CLNK: variants seen among roughly 807,000 people sequenced by gnomAD.
The protein encoded by CLNK is cytokine-dependent hematopoietic cell linker.
A neutral mutation model predicts 68.6 loss-of-function variants in CLNK; 74 were observed. The observed-to-expected ratio is 1.08, with a 90% CI of 0.89 to 1.31. The LOEUF (loss-of-function observed/expected upper bound fraction) is 1.31. Among genes scored for constraint, CLNK ranks in the 50% most tolerant of loss-of-function variants. The pLI, the probability that CLNK is intolerant of heterozygous loss-of-function variation, is 0.00. For missense variants in CLNK, 553 were observed against 515.3 expected, an observed-to-expected ratio of 1.07 and a Z score of -0.71; for synonymous variants, 198 against 172.2, an observed-to-expected ratio of 1.15 and a Z score of -1.17.
chr4:10,623,409 A>G (rs558970960), intron 2 of CLNK, among the ~76,000 whole-genome samples: 5 of 152,324 alleles, frequency 3.3e-5, no homozygotes, highest in South Asian at 4.1e-4. Flanking sequence ...TCTGGGTAAT[A>G]CAATACGGTG....
In CLNK at chr4:10,551,058, G is replaced by A. The variant is rs576164282; in HGVS notation, c.445+7349C>T. 2.6e-5 allele frequency among the ~76,000 whole-genome samples: 4 copies of A among 152,300 alleles called. No homozygotes were observed. The South Asian group carries it at 8.3e-4, about 32-fold the overall frequency. ...AGACTGCTCAGGATTTCATCGTGCCGCTCAGAAACAGCATGCGAGTTAACA... is the reference window on the plus strand; with the variant it reads ...AGACTGCTCAGGATTTCATCGTGCCACTCAGAAACAGCATGCGAGTTAACA... On this transcript the variant is annotated intron_variant, in intron 8 of 18. Coordinates refer to ENST00000226951, the MANE Select transcript of CLNK (RefSeq NM_052964.4).
At chr4:10,731,697 G>A in the CLNK span, among the ~76,000 whole-genome samples, 7 of 152,080 alleles carry the variant, frequency 4.6e-5, no homozygotes, top group African/African-American at 1.2e-4. Flanking sequence ...TTGTTGCTGC[G>A]ATATCATCAT....
intron 11 of CLNK, among the ~76,000 whole-genome samples, chr4:10,534,735 A>AT (rs1405096183): frequency 2.6e-5 from 4 of 152,246 alleles, no homozygotes; most frequent in South Asian, 2.1e-4. Flanking sequence ...AAAATTATGG[A>AT]TTTTTTATCC....
intron 2 of CLNK, among the ~76,000 whole-genome samples, chr4:10,603,679 C>T (rs979968703): frequency 5.9e-5 from 9 of 152,190 alleles, no homozygotes; most frequent in Non-Finnish European, 1.0e-4. Context: ...GCGGCCCCCA[C>T]GGGGAATGAG....
intron 2 of CLNK, among the ~76,000 whole-genome samples, chr4:10,663,280 G>A (rs10938920): frequency 0.22 from 33,974 of 152,164 alleles, 4,733 homozygotes; most frequent in Non-Finnish European, 0.31. Flanking sequence ...TGCAAGTTTT[G>A]TTGCAGGGAA....
At chr4:10,546,716 A>G (rs1241198448) in intron 8 of CLNK, among the ~76,000 whole-genome samples, 1 of 150,996 alleles carries the variant, frequency 6.6e-6, no homozygotes, top group Non-Finnish European at 1.5e-5. Flanking sequence ...TATCAGCAAC[A>G]CTCCACTTCT....
At chr4:10,620,390 C>T (rs1237716724) in intron 2 of CLNK, among the ~76,000 whole-genome samples, 1 of 152,182 alleles carries the variant, frequency 6.6e-6, no homozygotes, top group Non-Finnish European at 1.5e-5. Context: ...ACCCACCTAT[C>T]CTAAAGTCAC....
At chr4:10,719,358 A>G in the CLNK span, among the ~76,000 whole-genome samples, 1 of 152,138 alleles carries the variant, frequency 6.6e-6, no homozygotes. Flanking sequence ...TGGAAAATGT[A>G]TAAATCTTTT....
the CLNK span, among the ~76,000 whole-genome samples, chr4:10,731,546 T>C: frequency 2.6e-5 from 4 of 152,228 alleles, no homozygotes; most frequent in Non-Finnish European, 5.9e-5. Flanking sequence ...AGGAACTCTC[T>C]TTCATCTGTT....
chr4:10,665,081 G>C (rs1724337541), intron 2 of CLNK, among the ~76,000 whole-genome samples: 1 of 152,176 alleles, frequency 6.6e-6, no homozygotes, highest in African/African-American at 2.4e-5. Flanking sequence ...CTAATGTTGA[G>C]GTGTCAGATA....
rs377534414 is a variant in CLNK at position 10,509,420 on chromosome 4, G to C, written c.907-1384C>G. Among the ~76,000 whole-genome samples, 9 of 152,198 alleles carry C rather than the reference G, an allele frequency of 5.9e-5. No homozygotes were observed. The East Asian group carries it at 1.4e-3, about 23-fold the overall frequency. ...GTACTCTGGACACACACAGCTTTAG[G>C]GATAGACCAGAACTGGCCCTACTGC... On this transcript the variant is annotated intron_variant, in intron 16 of 18. Coordinates refer to ENST00000226951, the MANE Select transcript of CLNK (RefSeq NM_052964.4).
At chr4:10,549,694 G>A (rs981182399) in intron 8 of CLNK, among the ~76,000 whole-genome samples, 1 of 152,158 alleles carries the variant, frequency 6.6e-6, no homozygotes, top group Non-Finnish European at 1.5e-5. Context: ...AAAAATTAGA[G>A]GGAAAACGGG....
chr4:10,718,169 A>C, the CLNK span, among the ~76,000 whole-genome samples: 1 of 152,232 alleles, frequency 6.6e-6, no homozygotes, highest in African/African-American at 2.4e-5. Flanking sequence ...GAAGTAGAAC[A>C]ATTAAAACGT....
intron 4 of CLNK, among the ~76,000 whole-genome samples, chr4:10,580,651 T>G (rs1486815395): frequency 6.6e-6 from 1 of 151,556 alleles, no homozygotes; most frequent in African/African-American, 2.4e-5. Flanking sequence ...AAAAATAAAA[T>G]AAAAATTAAA....
chr4:10,731,746 G>A, the CLNK span, among the ~76,000 whole-genome samples: 1 of 152,078 alleles, frequency 6.6e-6, no homozygotes. Flanking sequence ...TCTCATGGAG[G>A]GCAGAATCCA....
intron 4 of CLNK, among the ~76,000 whole-genome samples, chr4:10,575,166 C>G (rs550781533): frequency 1.3e-5 from 2 of 152,294 alleles, no homozygotes; most frequent in South Asian, 4.1e-4. Flanking sequence ...GTGGTAATCC[C>G]GTACCTATCT....
chr4:10,731,985 A>G, the CLNK span, among the ~76,000 whole-genome samples: 1 of 152,198 alleles, frequency 6.6e-6, no homozygotes. Context: ...CATGTTGTAA[A>G]TGTCCTCATT....
intron 15 of CLNK, 145 bp from the exon 16 acceptor site, chr4:10,513,742 C>A (rs926313795): frequency 2.3e-5 from 15 of 652,890 alleles, no homozygotes; most frequent in Middle Eastern, 4.5e-4. Context: ...CACTCAGTGA[C>A]CTTAATTCTC....
At chr4:10,564,038 C>A (rs970531232) in intron 7 of CLNK, among the ~76,000 whole-genome samples, 1 of 151,712 alleles carries the variant, frequency 6.6e-6, no homozygotes, top group South Asian at 2.1e-4. Flanking sequence ...TAAGTGTTAG[C>A]AAATGTTTTA....
Sources: gnomAD v4.1 joint callset for allele counts (sites outside exome capture counted in the v4.1 genomes callset) on GRCh38, gnomAD v4.1.1 for gene constraint, MANE v1.5 for transcripts, NCBI Gene and HGNC (gene_info 2026-07-23, HGNC 2026-07-21) for gene names.